The following THSD4 variants were observed in gnomAD, a reference collection of about 807,000 sequenced individuals.
THSD4 encodes the protein thrombospondin type-1 domain-containing protein 4.
A neutral mutation model predicts 119.0 loss-of-function variants in THSD4; 69 were observed. The ratio of observed to expected loss-of-function variants is 0.58; its 90% CI spans 0.48 to 0.71. THSD4 has a LOEUF of 0.71. THSD4 is among the 30% of genes least tolerant of loss of function. The pLI is 0.00. For synonymous variants in THSD4, 524 were observed against 540.4 expected, an observed-to-expected ratio of 0.97 and a Z score of 0.42; for missense variants, 1,393 against 1,391.1, an observed-to-expected ratio of 1.00 and a Z score of -0.02.
chr15:71,616,977 G>T (rs1018425844), intron 7 of THSD4, among the ~76,000 whole-genome samples: 2 of 152,206 alleles, frequency 1.3e-5, no homozygotes, highest in African/African-American at 4.8e-5. Context: ...GCTCAGAAGG[G>T]TTTAGCCATT....
At chr15:71,609,817 A>G (rs2050187055) in intron 7 of THSD4, among the ~76,000 whole-genome samples, 1 of 144,318 alleles carries the variant, frequency 6.9e-6, no homozygotes, top group Non-Finnish European at 1.5e-5. Flanking sequence ...ATGCCACTGC[A>G]CTCCAGCCTG....
At chr15:71,238,182 G>A (rs2044122363) in intron 4 of THSD4, among the ~76,000 whole-genome samples, 1 of 152,032 alleles carries the variant, frequency 6.6e-6, no homozygotes, top group Admixed American at 6.6e-5. Context: ...ATAAAGGTTT[G>A]TTAAATATTG....
At chr15:71,618,403 T>C (rs2050358634) in intron 7 of THSD4, among the ~76,000 whole-genome samples, 1 of 152,128 alleles carries the variant, frequency 6.6e-6, no homozygotes, top group Admixed American at 6.5e-5. Flanking sequence ...CGTGGATAGA[T>C]CTCAAAAACA....
intron 16 of THSD4, among the ~76,000 whole-genome samples, chr15:71,770,521 GGCATGCACCTGTAATCCCA>G (rs909382679): frequency 6.6e-6 from 1 of 151,892 alleles, no homozygotes; most frequent in Non-Finnish European, 1.5e-5. Context: ...CAGGTGTGGT[GGCATGCACCTGTAATCCCA>G]GCTACTGGGG....
At chr15:71,428,601 A>G (rs1208527710) in intron 7 of THSD4, among the ~76,000 whole-genome samples, 1 of 152,252 alleles carries the variant, frequency 6.6e-6, no homozygotes, top group Non-Finnish European at 1.5e-5. Context: ...CCAAGTAGTT[A>G]GAAGCACCAC....
chr15:71,578,628 C>A (rs546789332), intron 7 of THSD4, among the ~76,000 whole-genome samples: 1 of 151,990 alleles, frequency 6.6e-6, no homozygotes, highest in South Asian at 2.1e-4. Flanking sequence ...TAAGCCACCA[C>A]GCCCAGCCTA....
chr15:71,210,352 T>C (rs891479095), intron 3 of THSD4, among the ~76,000 whole-genome samples: 3 of 152,222 alleles, frequency 2.0e-5, no homozygotes, highest in Non-Finnish European at 4.4e-5. Context: ...CTGTATTCTG[T>C]TACTAAATAA....
In THSD4 at chr15:71,215,312, G is replaced by T. The variant is rs1245518663; in HGVS notation, c.377G>T (p.Gly126Val). 3 of 1,529,172 alleles carry T rather than the reference G, an allele frequency of 2.0e-6. No individual in the cohort carries two copies. The highest frequency in any genetic ancestry group is 2.4e-5 in the South Asian group (2 of 83,774). The allele number at this position is 1,529,172 out of a possible 1,614,324, so 94.7% of individuals were successfully genotyped here. The change falls in exon 4 of 18, where the codon GGT becomes GTT. Residue 126 changes from glycine (G) to valine (V), a missense_variant. Transcript: ENST00000261862. Reference protein sequence around the residue: ...RSRDETPALAGTDASRQGPTV... With the variant: ...RSRDETPALAVTDASRQGPTV... ...CGCGACGAGACGCCAGCGCTGGCCG[G>T]TACGGACGCCAGCCGCCAGGGCCCC...
intron 6 of THSD4, among the ~76,000 whole-genome samples, chr15:71,379,764 G>A (rs1267437997): frequency 6.6e-6 from 1 of 151,756 alleles, no homozygotes; most frequent in East Asian, 1.9e-4. Flanking sequence ...GGCCACAAAT[G>A]GCTTCTTTAC....
chr15:71,558,122 G>A (rs1193960238), intron 7 of THSD4, among the ~76,000 whole-genome samples: 2 of 152,190 alleles, frequency 1.3e-5, no homozygotes, highest in East Asian at 3.9e-4. Flanking sequence ...GAGGTCAGGA[G>A]TTCAAGACCA....
intron 6 of THSD4, among the ~76,000 whole-genome samples, chr15:71,281,898 G>A (rs2044657367): frequency 6.6e-6 from 1 of 152,164 alleles, no homozygotes; most frequent in Non-Finnish European, 1.5e-5. Flanking sequence ...CAGTTTCACT[G>A]TCCTTTGGCT....
At chr15:71,340,210 C>T (rs985144050) in intron 6 of THSD4, among the ~76,000 whole-genome samples, 6 of 152,168 alleles carry the variant, frequency 3.9e-5, no homozygotes, top group Non-Finnish European at 8.8e-5. Context: ...AGGCAGTGTG[C>T]GGGTACACCT....
chr15:71,540,577 T>A (rs549408456), intron 7 of THSD4, among the ~76,000 whole-genome samples: 1 of 140,424 alleles, frequency 7.1e-6, no homozygotes, highest in Non-Finnish European at 1.5e-5. Context: ...TACAAGCACG[T>A]GCCACCACAC....
chr15:71,465,286 A>G (rs140707897), intron 7 of THSD4, among the ~76,000 whole-genome samples: 141 of 152,342 alleles, frequency 9.3e-4, no homozygotes, highest in African/African-American at 3.3e-3. Flanking sequence ...AATAGTCATA[A>G]ACAAATGAGC....
At position 71,744,963 on chromosome 15, in the gene THSD4, C is replaced by A. The variant is rs1476983646; in HGVS notation, c.1907-143C>A. On this transcript the variant is annotated intron_variant, in intron 11 of 17. Coordinates refer to ENST00000261862, the MANE Select transcript of THSD4 (RefSeq NM_024817.3). ...TGTAAACCCTCAAATGAAGGGGGAGCGTAAGTGTGCATGCATGTGTGAATT... is the reference window on the plus strand; with the variant it reads ...TGTAAACCCTCAAATGAAGGGGGAGAGTAAGTGTGCATGCATGTGTGAATT... 22 of 1,020,758 alleles carry A rather than the reference C, an allele frequency of 2.2e-5. No individual in the cohort carries two copies. In the East Asian group the frequency reaches 5.5e-4, roughly 25 times the overall value. The allele number at this position is 1,020,758 out of a possible 1,614,324, so 63.2% of individuals were successfully genotyped here. A position where few individuals can be genotyped will look rare whatever the true frequency, so the allele number is the denominator to read the frequency against.
chr15:71,511,638 A>C (rs963163778), intron 7 of THSD4, among the ~76,000 whole-genome samples: 3 of 152,198 alleles, frequency 2.0e-5, no homozygotes, highest in Admixed American at 6.5e-5. Flanking sequence ...TTCCAACCAC[A>C]AATCATTTAA....
At chr15:71,493,746 A>G (rs970005217) in intron 7 of THSD4, among the ~76,000 whole-genome samples, 37 of 152,178 alleles carry the variant, frequency 2.4e-4, no homozygotes, top group Admixed American at 2.4e-3. Context: ...TTGGGCTCAC[A>G]CTATTTCTTG....
chr15:71,409,682 G>A (rs1350198965), intron 6 of THSD4, among the ~76,000 whole-genome samples: 4 of 152,166 alleles, frequency 2.6e-5, no homozygotes, highest in African/African-American at 9.7e-5. Flanking sequence ...GAGGCTCCAT[G>A]TGATTTCCTG....
rs150220839 is a variant in THSD4 at position 71,234,896 on chromosome 15, T to G, written c.465-7753T>G. Among the ~76,000 whole-genome samples the G allele has an allele frequency of 1.0e-3, 152 of 152,298 alleles. 1 individual carries two copies. The highest frequency in any genetic ancestry group is 3.5e-3 in the African/African-American group (145 of 41,560). On this transcript the variant is annotated intron_variant, in intron 4 of 17. Transcript: ENST00000261862. ...TTCGCCGTCCTGCTGTGGTTTCAGGTGTCCTGCCAGCTCCCCAGGGCTGCA... is the reference window on the plus strand; with the variant it reads ...TTCGCCGTCCTGCTGTGGTTTCAGGGGTCCTGCCAGCTCCCCAGGGCTGCA...
Sources: gnomAD v4.1 joint callset for allele counts (sites outside exome capture counted in the v4.1 genomes callset) on GRCh38, gnomAD v4.1.1 for gene constraint, MANE v1.5 for transcripts, NCBI Gene and HGNC (gene_info 2026-07-23, HGNC 2026-07-21) for gene names.